LRMDA: variants seen among roughly 807,000 people sequenced by gnomAD.
The protein encoded by LRMDA is leucine-rich melanocyte differentiation-associated protein.
LRMDA carries 18 observed loss-of-function variants against 29.8 expected under a neutral mutation model. The ratio of observed to expected loss-of-function variants is 0.60; its 90% CI spans 0.42 to 0.90. LRMDA has a LOEUF of 0.90. Among genes scored for constraint, LRMDA ranks in the 40% least tolerant of loss-of-function variants. The pLI, the probability that LRMDA is intolerant of heterozygous loss-of-function variation, is 0.00. For synonymous variants in LRMDA, 125 were observed against 109.4 expected (o/e 1.14, Z -0.89); for missense variants, 273 against 273.9 (o/e 1.00, Z 0.02).
intron 2 of LRMDA, among the ~76,000 whole-genome samples, chr10:75,543,646 A>G (rs1840045664): frequency 6.6e-6 from 1 of 152,196 alleles, no homozygotes; most frequent in South Asian, 2.1e-4. Flanking sequence ...TTACTCCAGG[A>G]TTCTGAAATA....
At chr10:76,260,043 T>C (rs1839913369) in intron 5 of LRMDA, among the ~76,000 whole-genome samples, 1 of 152,120 alleles carries the variant, frequency 6.6e-6, no homozygotes, top group Non-Finnish European at 1.5e-5. Context: ...ATCCTGTCTA[T>C]GTTTTTTAAT....
intron 2 of LRMDA, among the ~76,000 whole-genome samples, chr10:75,750,636 A>T (rs1227291770): frequency 7.5e-6 from 1 of 134,134 alleles, no homozygotes; most frequent in Admixed American, 7.7e-5. Flanking sequence ...CACATCCCAG[A>T]TGATGGGCAG....
At chr10:76,083,042 A>C (rs928003905) in intron 5 of LRMDA, among the ~76,000 whole-genome samples, 2 of 152,152 alleles carry the variant, frequency 1.3e-5, no homozygotes, top group African/African-American at 4.8e-5. Context: ...CATGACCTAG[A>C]TTGCATTGAC....
intron 6 of LRMDA, among the ~76,000 whole-genome samples, chr10:76,511,121 G>A (rs1003818624): frequency 2.0e-5 from 3 of 152,138 alleles, no homozygotes; most frequent in African/African-American, 7.2e-5. Flanking sequence ...TTGGTTCAGA[G>A]TCAAGACTAA....
chr10:75,441,766 C>CT (rs372042552), intron 2 of LRMDA, among the ~76,000 whole-genome samples: 7,322 of 145,930 alleles, frequency 0.05, 590 homozygotes, highest in African/African-American at 0.17. Flanking sequence ...GGCTTTCTTT[C>CT]TTTTTTTTTT....
At chr10:76,430,360 C>T (rs964041798) in intron 6 of LRMDA, among the ~76,000 whole-genome samples, 59 of 152,308 alleles carry the variant, frequency 3.9e-4, no homozygotes, top group African/African-American at 1.4e-3. Flanking sequence ...AGAAAGCTAA[C>T]AGTAAAAGCA....
chr10:76,161,999 AACTTTG>A (rs898109370), intron 5 of LRMDA, among the ~76,000 whole-genome samples: 53 of 152,346 alleles, frequency 3.5e-4, no homozygotes, highest in African/African-American at 1.2e-3. Flanking sequence ...TGTTCACTGT[AACTTTG>A]ACTTTACTTC....
At chr10:76,139,056 AT>A (rs1423923420) in intron 5 of LRMDA, among the ~76,000 whole-genome samples, 1 of 152,162 alleles carries the variant, frequency 6.6e-6, no homozygotes, top group Non-Finnish European at 1.5e-5. Flanking sequence ...GGAGATAAAC[AT>A]GCTGTATTCC....
At chr10:76,198,039 A>G (rs966656395) in intron 5 of LRMDA, among the ~76,000 whole-genome samples, 21 of 152,152 alleles carry the variant, frequency 1.4e-4, no homozygotes, top group African/African-American at 4.1e-4. Context: ...AGATCTTGCA[A>G]ATCTTTAAAA....
chr10:75,506,314 C>T (rs186109066), intron 2 of LRMDA, among the ~76,000 whole-genome samples: 2 of 152,288 alleles, frequency 1.3e-5, no homozygotes, highest in East Asian at 3.9e-4. Flanking sequence ...CACTTCCTGC[C>T]ACTCCCCTGT....
At chr10:76,418,762 A>G (rs1472547839) in intron 6 of LRMDA, among the ~76,000 whole-genome samples, 1 of 152,028 alleles carries the variant, frequency 6.6e-6, no homozygotes, top group Non-Finnish European at 1.5e-5. Context: ...TCCTTTATCA[A>G]TTAGAAAAGG....
chr10:76,206,330 G>A lies in LRMDA; in HGVS notation c.517-118071G>A, dbSNP rs1851536179. ...ATCAAACTCCTGTCACCTTTCATAA[G>A]CTTGCTCACATGGCATCTTTTCTGG... is the stretch of plus-strand genomic sequence containing the variant. On this transcript the variant is annotated intron_variant, in intron 5 of 6. Coordinates refer to ENST00000611255, the MANE Select transcript of LRMDA (RefSeq NM_001305581.2). Among the ~76,000 whole-genome samples the A allele has an allele frequency of 3.3e-5, 5 of 152,234 alleles. No individual in the cohort carries two copies. The South Asian group carries it at 1.0e-3, about 32-fold the overall frequency.
chr10:75,769,949 C>T (rs766137095), intron 2 of LRMDA, among the ~76,000 whole-genome samples: 8 of 152,092 alleles, frequency 5.3e-5, no homozygotes, highest in Non-Finnish European at 1.2e-4. Flanking sequence ...CACCACTGCA[C>T]TCCAGCCTGG....
At chr10:76,340,536 A>AAAAAAAAAG (rs1016856830) in intron 6 of LRMDA, among the ~76,000 whole-genome samples, 1 of 149,804 alleles carries the variant, frequency 6.7e-6, no homozygotes, top group African/African-American at 2.5e-5. Context: ...AAAAAAAAAA[A>AAAAAAAAAG]AGAGAGAGAG....
intron 6 of LRMDA, among the ~76,000 whole-genome samples, chr10:76,521,040 A>G (rs867912121): frequency 2.0e-5 from 3 of 152,128 alleles, no homozygotes; most frequent in Non-Finnish European, 4.4e-5. Context: ...ATATGAATAC[A>G]TAGTTGTAAC....
Position 76,321,888 on chromosome 10 carries a change from T to C in LRMDA, c.517-2513T>C, listed in dbSNP as rs113875830. Among the ~76,000 whole-genome samples, 944 of 152,248 alleles carry C rather than the reference T, an allele frequency of 6.2e-3. 9 individuals carry two copies. The highest frequency in any genetic ancestry group is 0.019 in the African/African-American group (790 of 41,562). On this transcript the variant is annotated intron_variant, in intron 5 of 6. Coordinates refer to ENST00000611255, the MANE Select transcript of LRMDA (RefSeq NM_001305581.2). ...TGAACCAGGGAGGCAGCGGTTGCAG[T>C]GAGTTGAGATCGTGCCACTGTATTC... is the stretch of plus-strand genomic sequence containing the variant.
chr10:76,246,005 G>A (rs1009571534), intron 5 of LRMDA, among the ~76,000 whole-genome samples: 2 of 152,124 alleles, frequency 1.3e-5, no homozygotes, highest in East Asian at 3.9e-4. Flanking sequence ...ACATACTAAA[G>A]ACTCTACAAT....
intron 2 of LRMDA, among the ~76,000 whole-genome samples, chr10:75,584,296 A>G (rs1840631081): frequency 6.6e-6 from 1 of 152,086 alleles, no homozygotes; most frequent in Non-Finnish European, 1.5e-5. Context: ...CTCTGCTAGG[A>G]ATCGTCTCCT....
intron 5 of LRMDA, among the ~76,000 whole-genome samples, chr10:76,302,174 T>C (rs572328779): frequency 6.6e-6 from 1 of 152,196 alleles, no homozygotes; most frequent in Non-Finnish European, 1.5e-5. Flanking sequence ...TGCCATTTCA[T>C]GTTCAGTTCA....
Sources: gnomAD v4.1 joint callset for allele counts (sites outside exome capture counted in the v4.1 genomes callset) on GRCh38, gnomAD v4.1.1 for gene constraint, MANE v1.5 for transcripts, NCBI Gene and HGNC (gene_info 2026-07-23, HGNC 2026-07-21) for gene names.